FBXO47: variants seen among roughly 807,000 people sequenced by gnomAD.
The protein encoded by FBXO47 is F-box only protein 47.
Under a neutral mutation model 53.9 loss-of-function variants are expected in FBXO47, and 34 were observed. The ratio of observed to expected loss-of-function variants is 0.63; its 90% CI spans 0.48 to 0.84. The LOEUF is 0.84. Among genes scored for constraint, FBXO47 ranks in the 40% least tolerant of loss-of-function variants. The pLI is 0.00. For missense variants in FBXO47, 485 were observed against 541.3 expected (o/e 0.90, Z 1.03); for synonymous variants, 165 against 181.6 (o/e 0.91, Z 0.73).
chr17:38,965,275 C>A (rs978000889), intron 1 of FBXO47, among the ~76,000 whole-genome samples: 1 of 152,174 alleles, frequency 6.6e-6, no homozygotes, highest in South Asian at 2.1e-4. Context: ...CAACTCCAAT[C>A]GAAGGCTCCT....
At chr17:38,947,660 A>C (rs542516952) in intron 6 of FBXO47, among the ~76,000 whole-genome samples, 2 of 152,304 alleles carry the variant, frequency 1.3e-5, no homozygotes. Context: ...CTGTAATCCC[A>C]GCACTTTGGG....
chr17:38,946,157 A>AATATATAAATATATAAAAAT (rs1338647131), intron 6 of FBXO47, among the ~76,000 whole-genome samples: 4 of 112,576 alleles, frequency 3.6e-5, no homozygotes, highest in East Asian at 2.3e-4. Flanking sequence ...AATACATAAA[A>AATATATAAATATATAAAAAT]ATATATAAAT....
chr17:38,956,160 T>C (rs2143949641), intron 4 of FBXO47, among the ~76,000 whole-genome samples: 1 of 151,498 alleles, frequency 6.6e-6, no homozygotes, highest in Middle Eastern at 3.4e-3. Context: ...GTTTTATTTA[T>C]GAATGTCATG....
At chr17:38,941,620 T>TTTTA (rs1555560016) in intron 9 of FBXO47, among the ~76,000 whole-genome samples, 131 of 115,184 alleles carry the variant, frequency 1.1e-3, no homozygotes, top group Admixed American at 3.4e-3. Flanking sequence ...AAATATAATA[T>TTTTA]TATATATATA....
At chr17:38,946,402 A>C (rs1424033878) in intron 6 of FBXO47, among the ~76,000 whole-genome samples, 25 of 95,728 alleles carry the variant, frequency 2.6e-4, no homozygotes, top group East Asian at 7.3e-4. Flanking sequence ...CTATATATAA[A>C]TATATAGATA....
At position 38,943,884 on chromosome 17, in the gene FBXO47, G is replaced by A. The variant is rs540143818; in HGVS notation, c.794-148C>T. On this transcript the variant is annotated intron_variant, in intron 7 of 10. Transcript: ENST00000378079. ...CTTTTGAAACAAGAAGTCAATTCTG[G>A]TAATAGTATAGATTTGAACGTCTCT... The A allele has an allele frequency of 5.4e-6, 4 of 735,660 alleles. No individual in the cohort carries two copies. In the East Asian group the frequency reaches 8.8e-5, roughly 16 times the overall value. 45.6% of individuals were successfully genotyped at this position (735,660 alleles called of 1,614,324 possible). A position where few individuals can be genotyped will look rare whatever the true frequency, so the allele number is the denominator to read the frequency against.
At chr17:38,954,960 CCTT>C in intron 4 of FBXO47, 27 bp from the exon 5 acceptor site, 2 of 1,481,960 alleles carry the variant, frequency 1.3e-6, no homozygotes, top group South Asian at 1.2e-5. Flanking sequence ...GTTAATACCT[CCTT>C]GTCAGTGAAA....
intron 4 of FBXO47, among the ~76,000 whole-genome samples, chr17:38,956,419 C>T (rs1431759751): frequency 6.6e-6 from 1 of 151,744 alleles, no homozygotes; most frequent in Non-Finnish European, 1.5e-5. Flanking sequence ...AAAACCTCAT[C>T]TCTACTAAAA....
rs1567717004 is a variant in FBXO47, at chr17:38,946,614, C to CTATATAAATATATATGAATATATGAA, written c.617-1479_617-1478insTTCATATATTCATATATATTTATATA. 3.0e-3 allele frequency among the ~76,000 whole-genome samples: 30 copies of CTATATAAATATATATGAATATATGAA among 9,840 alleles called. 1 individual carries two copies. Among genetic ancestry groups the CTATATAAATATATATGAATATATGAA allele is most frequent in the African/African-American group, 0.018 (27 of 1,488 alleles). 6.5% of individuals were successfully genotyped at this position (9,840 alleles called of 152,430 possible). A position where few individuals can be genotyped will look rare whatever the true frequency, so the allele number is the denominator to read the frequency against. On this transcript the variant is annotated intron_variant, in intron 6 of 10. Coordinates refer to ENST00000378079, the MANE Select transcript of FBXO47 (RefSeq NM_001008777.3). ...TATATAAATATATGAATATATATAA[C>CTATATAAATATATATGAATATATGAA]TATATAAATATATATGAATATATAA...
In FBXO47 at chr17:38,962,064, A is replaced by G. The variant is rs779526632; in HGVS notation, c.182-17T>C. ...TATCCTTCACTACCAAAAGAAATAT[A>G]TATGTGTATGTATCAATGGCTTAAA... is the stretch of plus-strand genomic sequence containing the variant. On this transcript the variant is annotated splice_polypyrimidine_tract_variant and intron_variant, in intron 2 of 10. Transcript: ENST00000378079. The G allele has an allele frequency of 3.1e-6, 5 of 1,603,326 alleles. No homozygotes were observed. Among genetic ancestry groups the G allele is most frequent in the Admixed American group, 1.7e-5 (1 of 57,328 alleles).
intron 7 of FBXO47, 151 bp downstream of exon 7, chr17:38,944,809 T>C: frequency 1.9e-6 from 1 of 532,648 alleles, no homozygotes; most frequent in Non-Finnish European, 3.1e-6. Flanking sequence ...AGGTGGAGGT[T>C]GCAGTGAGCC....
intron 3 of FBXO47, 140 bp from the exon 4 acceptor site, chr17:38,957,393 T>G: frequency 1.7e-6 from 1 of 604,604 alleles, no homozygotes; most frequent in South Asian, 2.5e-5. Context: ...AAGAGAAAGT[T>G]TGGGAGGAAG....
chr17:38,960,578 C>T (rs1056311236), intron 3 of FBXO47, among the ~76,000 whole-genome samples: 2 of 151,740 alleles, frequency 1.3e-5, no homozygotes, highest in Non-Finnish European at 2.9e-5. Context: ...CACTGTGTTA[C>T]CCAGGTACCA....
intron 1 of FBXO47, among the ~76,000 whole-genome samples, chr17:38,965,708 C>CAAAAA (rs1906072513): frequency 2.0e-5 from 1 of 49,254 alleles, no homozygotes; most frequent in African/African-American, 8.7e-5. Context: ...CCCTTCTCTA[C>CAAAAA]TAAAAAAAAA....
intron 9 of FBXO47, among the ~76,000 whole-genome samples, chr17:38,939,342 A>ATATATATATG (rs1555559730): frequency 7.3e-6 from 1 of 136,836 alleles, no homozygotes; most frequent in African/African-American, 2.7e-5. Context: ...ATATATATAT[A>ATATATATATG]TATGTATTGA....
intron 1 of FBXO47, among the ~76,000 whole-genome samples, chr17:38,966,021 A>G (rs1906101283): frequency 6.6e-6 from 1 of 152,182 alleles, no homozygotes; most frequent in Non-Finnish European, 1.5e-5. Context: ...TTTTTAACAA[A>G]AAAGAGGGAT....
At position 38,963,059 on chromosome 17, in the gene FBXO47, G is replaced by T; in HGVS notation, c.-26-8C>A. On this transcript the variant is annotated splice_polypyrimidine_tract_variant and splice_region_variant and intron_variant, in intron 1 of 10. Coordinates refer to ENST00000378079, the MANE Select transcript of FBXO47 (RefSeq NM_001008777.3). The stretch of plus-strand genomic sequence containing the variant: ...TTGTCTCACAAATTTATCCTGGTCA[G>T]AAAAACAAAGTACAAGAGACAAGAA... The T allele has an allele frequency of 6.7e-7, 1 of 1,496,596 alleles. No homozygotes were observed. The highest frequency in any genetic ancestry group is 9.2e-7 in the Non-Finnish European group (1 of 1,086,496). The allele number at this position is 1,496,596 out of a possible 1,614,324, so 92.7% of individuals were successfully genotyped here.
intron 4 of FBXO47, among the ~76,000 whole-genome samples, chr17:38,956,671 G>A (rs923266459): frequency 6.6e-6 from 1 of 151,504 alleles, no homozygotes; most frequent in Non-Finnish European, 1.5e-5. Flanking sequence ...ATCAAGAGTT[G>A]GACATATGCT....
chr17:38,954,003 A>G (rs146089361), intron 5 of FBXO47, among the ~76,000 whole-genome samples: 1 of 152,092 alleles, frequency 6.6e-6, no homozygotes, highest in Admixed American at 6.6e-5. Context: ...AAATTAGTTA[A>G]TACATGTTGT....
Sources: gnomAD v4.1 joint callset for allele counts (sites outside exome capture counted in the v4.1 genomes callset) on GRCh38, gnomAD v4.1.1 for gene constraint, MANE v1.5 for transcripts, NCBI Gene and HGNC (gene_info 2026-07-23, HGNC 2026-07-21) for gene names.